The following SLC15A4 variants were observed in gnomAD, a reference collection of about 807,000 sequenced individuals.
SLC15A4 encodes solute carrier family 15 member 4.
SLC15A4 carries 26 observed loss-of-function variants against 46.1 expected under a neutral mutation model. The ratio of observed to expected loss-of-function variants is 0.56; its 90% CI spans 0.41 to 0.78. The LOEUF is 0.78. Among genes scored for constraint, SLC15A4 ranks in the 30% least tolerant of loss-of-function variants. The pLI is 0.00. For synonymous variants in SLC15A4, 370 were observed against 333.4 expected (o/e 1.11, Z -1.20); for missense variants, 751 against 755.7 (o/e 0.99, Z 0.07).
At chr12:128,799,166 G>GGCCATCCACA in intron 7 of SLC15A4, 93 bp downstream of exon 7, 1 of 1,458,252 alleles carries the variant, frequency 6.9e-7, no homozygotes, top group South Asian at 1.2e-5. Flanking sequence ...GGCCATCCAC[G>GGCCATCCACA]TGAAAACACC....
rs139005503 is a variant in SLC15A4, at chr12:128,820,935, C to T, written c.546+2463G>A. On this transcript the variant is annotated intron_variant, in intron 1 of 7. Coordinates refer to ENST00000266771, the MANE Select transcript of SLC15A4 (RefSeq NM_145648.4). ...GGGCCTAGTGTTTGGGTCATGGGGACGGATCCCTGAAGAAAGGCTTGGGGC... is the reference window on the plus strand; with the variant it reads ...GGGCCTAGTGTTTGGGTCATGGGGATGGATCCCTGAAGAAAGGCTTGGGGC... 5.2e-3 allele frequency among the ~76,000 whole-genome samples: 796 copies of T among 152,250 alleles called. 11 individuals are homozygous for T. The highest frequency in any genetic ancestry group is 0.019 in the African/African-American group (774 of 41,550).
rs1357675027 is a variant in SLC15A4 at position 128,810,402 on chromosome 12, C to G, written c.843-291G>C. On this transcript the variant is annotated intron_variant, in intron 2 of 7. Coordinates refer to ENST00000266771, the MANE Select transcript of SLC15A4 (RefSeq NM_145648.4). ...GATGACAGTGTGAACCACGGCTGAG[C>G]TGAGAGCCCCAGCGCAGCTGCCAGC... The G allele has an allele frequency of 1.4e-5, 5 of 359,404 alleles. No individual in the cohort carries two copies. The Admixed American group carries it at 2.2e-4, about 16-fold the overall frequency. The allele number at this position is 359,404 out of a possible 1,614,324, so 22.3% of individuals were successfully genotyped here. A position where few individuals can be genotyped will look rare whatever the true frequency, so the allele number is the denominator to read the frequency against.
rs767177677 is a variant in SLC15A4 at position 128,800,926 on chromosome 12, C to T, written c.1342G>A (p.Asp448Asn). Residue 448 changes from aspartate to asparagine, a missense_variant, in exon 6 of 8, where the codon GAT (aspartate) becomes AAT (asparagine). By Grantham distance (23) the Asp-to-Asn change is conservative. Coordinates refer to ENST00000266771, the MANE Select transcript of SLC15A4 (RefSeq NM_145648.4). ...GGCACCTGCCACCACAGCGACAGAT[C>T]GGCAGCATGGTAGACGACGTTGCCG... ...TIGNVVYHAA[D>N]LSLWWQVPQY... 2.2e-5 allele frequency: 35 copies of T among 1,614,048 alleles called. No individual in the cohort carries two copies. In the Admixed American group the frequency reaches 4.0e-4, roughly 18 times the overall value.
In SLC15A4 at chr12:128,794,833, C is replaced by T. The variant is rs571215040; in HGVS notation, c.1574-477G>A. On this transcript the variant is annotated intron_variant, in intron 7 of 7. Coordinates refer to ENST00000266771, the MANE Select transcript of SLC15A4 (RefSeq NM_145648.4). ...AGCCTCCTGTGACTGCTAATCCCCC[C>T]ACACCAGAACAGCTGGGCAAAGTAA... 1.2e-4 allele frequency among the ~76,000 whole-genome samples: 19 copies of T among 152,346 alleles called. No individual in the cohort carries two copies. The South Asian group carries it at 3.9e-3, about 32-fold the overall frequency.
chr12:128,819,130 G>A (rs544691284), intron 1 of SLC15A4, among the ~76,000 whole-genome samples: 2 of 152,266 alleles, frequency 1.3e-5, no homozygotes, highest in East Asian at 1.9e-4. Flanking sequence ...CTGGCCGAGC[G>A]CGGTGGCTCA....
chr12:128,805,787 C>G (rs1175837386), intron 5 of SLC15A4, among the ~76,000 whole-genome samples: 1 of 152,170 alleles, frequency 6.6e-6, no homozygotes, highest in Non-Finnish European at 1.5e-5. Context: ...TCGCCTTGGT[C>G]TCCCAAGGGA....
rs771772378 is a variant in SLC15A4 at position 128,808,769 on chromosome 12, G to A, written c.1258+19C>T. On this transcript the variant is annotated intron_variant, in intron 5 of 7. Transcript: ENST00000266771. ...GCTGCAGTCGGGCCTGAGGAGGAAC[G>A]GAGCAGAATGCCTCTTACCTGCAGC... 6.2e-6 allele frequency: 10 copies of A among 1,612,882 alleles called. No homozygotes were observed. In the South Asian group the frequency reaches 7.7e-5, roughly 12 times the overall value.
intron 3 of SLC15A4, 42 bp from the exon 4 acceptor site, chr12:128,809,515 G>T: frequency 7.7e-7 from 1 of 1,304,380 alleles, no homozygotes; most frequent in Non-Finnish European, 1.1e-6. Flanking sequence ...GACCAACTGT[G>T]CTCTCAAACA....
intron 5 of SLC15A4, among the ~76,000 whole-genome samples, chr12:128,804,070 T>A (rs1042621239): frequency 4.6e-5 from 7 of 152,162 alleles, no homozygotes; most frequent in African/African-American, 1.7e-4. Context: ...TTAATACCGT[T>A]GGTAGTATTA....
rs77070145 is a variant in SLC15A4 at position 128,794,135 on chromosome 12, A to G, written c.*61T>C. The G allele has an allele frequency of 1.4e-6, 2 of 1,461,606 alleles. No homozygotes were observed. Among genetic ancestry groups the G allele is most frequent in the Admixed American group, 2.2e-5 (1 of 46,362 alleles). The allele number at this position is 1,461,606 out of a possible 1,614,324, so 90.5% of individuals were successfully genotyped here. ...GGAATTTAAAGTCTTGCCTGTTCTC[A>G]GTGCACCCCAGTCAGTTACTGACAT... is the stretch of plus-strand genomic sequence containing the variant. On this transcript the variant is annotated 3_prime_UTR_variant, in exon 8 of 8. Coordinates refer to ENST00000266771, the MANE Select transcript of SLC15A4 (RefSeq NM_145648.4).
chr12:128,802,661 C>A (rs1331950232), intron 5 of SLC15A4, among the ~76,000 whole-genome samples: 1 of 152,164 alleles, frequency 6.6e-6, no homozygotes, highest in Non-Finnish European at 1.5e-5. Flanking sequence ...AAAGATACTA[C>A]TATTGCTACT....
Position 128,800,804 on chromosome 12 carries a change from G to A in SLC15A4, c.1414+50C>T, listed in dbSNP as rs779728426. 7 of 1,553,000 alleles carry A rather than the reference G, an allele frequency of 4.5e-6. No individual in the cohort carries two copies. The Admixed American group carries it at 5.8e-5, about 13-fold the overall frequency. On this transcript the variant is annotated intron_variant, in intron 6 of 7. Coordinates refer to ENST00000266771, the MANE Select transcript of SLC15A4 (RefSeq NM_145648.4). The stretch of plus-strand genomic sequence containing the variant: ...AACAGCACAGTCAGAATGCCCGAGC[G>A]CTCACGCTTGTGCCTGGACTCAGAC...
rs1433859439 is a variant in SLC15A4, at chr12:128,807,357, T to G, written c.1258+1431A>C. Among the ~76,000 whole-genome samples, 9 of 152,266 alleles carry G rather than the reference T, an allele frequency of 5.9e-5. No individual in the cohort carries two copies. In the East Asian group the frequency reaches 1.7e-3, roughly 29 times the overall value. ...CCCACAGAAGTGATTCAGCCATTTA[T>G]GAAACTGAAAGAGAGGATGTTAGGA... On this transcript the variant is annotated intron_variant, in intron 5 of 7. Coordinates refer to ENST00000266771, the MANE Select transcript of SLC15A4 (RefSeq NM_145648.4).
At chr12:128,795,297 C>A (rs1376123609) in intron 7 of SLC15A4, among the ~76,000 whole-genome samples, 1 of 152,156 alleles carries the variant, frequency 6.6e-6, no homozygotes, top group Non-Finnish European at 1.5e-5. Context: ...CAAACTGACA[C>A]AAGCAGATAC....
At chr12:128,804,317 GA>G (rs1297503845) in intron 5 of SLC15A4, among the ~76,000 whole-genome samples, 2 of 152,170 alleles carry the variant, frequency 1.3e-5, no homozygotes, top group Non-Finnish European at 2.9e-5. Context: ...AATATTCACA[GA>G]AAACAAGAAA....
chr12:128,813,094 C>T (rs142941398), intron 2 of SLC15A4: 1 of 152,144 alleles, frequency 6.6e-6, no homozygotes, highest in Non-Finnish European at 1.5e-5. Context: ...AAGGGTTGTT[C>T]CTGAAAAAGA....
chr12:128,816,269 A>G (rs1301363087), intron 1 of SLC15A4, among the ~76,000 whole-genome samples: 1 of 152,228 alleles, frequency 6.6e-6, no homozygotes, highest in Non-Finnish European at 1.5e-5. Context: ...TTTTACGTCT[A>G]AATAAGATAC....
Position 128,809,403 on chromosome 12 carries a change from G to A in SLC15A4, c.1082C>T (p.Pro361Leu), listed in dbSNP as rs143468681. 1 of 1,596,942 alleles carries A rather than the reference G, an allele frequency of 6.3e-7. No homozygotes were observed. Among genetic ancestry groups the A allele is most frequent in the African/African-American group, 1.3e-5 (1 of 74,456 alleles). ...IPEISNITTT[P>L]HTLPAAWLTM... ...CATTACAATTGTTCTTACCGTGTGA[G>A]GAGTGGTTGTAATATTTGAAATTTC... The change falls in exon 4 of 8, where the codon CCT becomes CTT. Residue 361 changes from proline (P) to leucine (L), a missense_variant. Physicochemically the swap from Pro to Leu is moderately conservative, Grantham distance 98 (BLOSUM62 -3). Coordinates refer to ENST00000266771, the MANE Select transcript of SLC15A4 (RefSeq NM_145648.4).
chr12:128,817,464 G>C (rs950171163), intron 1 of SLC15A4, among the ~76,000 whole-genome samples: 3 of 152,164 alleles, frequency 2.0e-5, no homozygotes, highest in African/African-American at 7.2e-5. Flanking sequence ...ACTTAATAGA[G>C]GCACAAATGA....
Sources: allele counts gnomAD v4.1 joint callset (sites outside exome capture counted in the v4.1 genomes callset), GRCh38; gene constraint gnomAD v4.1.1; transcripts MANE v1.5; gene names NCBI Gene and HGNC (gene_info 2026-07-23, HGNC 2026-07-21).